DNAH9: variants seen among roughly 807,000 people sequenced by gnomAD.
DNAH9 encodes the protein dynein axonemal heavy chain 9.
A neutral mutation model predicts 471.6 loss-of-function variants in DNAH9; 345 were observed. The ratio of observed to expected loss-of-function variants is 0.73; its 90% CI spans 0.67 to 0.80. The LOEUF (loss-of-function observed/expected upper bound fraction) is 0.80, where lower values mean the gene tolerates loss of function less well. Ranked by LOEUF, DNAH9 falls within the 30% of genes least tolerant of loss-of-function variation. The probability of loss-of-function intolerance (pLI) is 0.00; values close to 1 mark genes in which losing one functional copy is unlikely to be tolerated. For missense variants in DNAH9, 5,407 were observed against 5,609.2 expected, an observed-to-expected ratio of 0.96 and a Z score of 1.15; for synonymous variants, 2,093 against 2,123.6, an observed-to-expected ratio of 0.99 and a Z score of 0.40.
intron 49 of DNAH9, among the ~76,000 whole-genome samples, chr17:11,838,486 A>G (rs1288438529): frequency 6.6e-6 from 1 of 152,202 alleles, no homozygotes; most frequent in Non-Finnish European, 1.5e-5. Flanking sequence ...AAACCCCATG[A>G]AGCAGATAGT....
chr17:11,735,542 TCTC>T (rs2150826826), intron 28 of DNAH9, among the ~76,000 whole-genome samples: 1 of 152,200 alleles, frequency 6.6e-6, no homozygotes, highest in East Asian at 1.9e-4. Context: ...TTCAAGCGAT[TCTC>T]CTGCCTCCGC....
intron 67 of DNAH9, among the ~76,000 whole-genome samples, chr17:11,957,581 AAAGCCAGC>A: frequency 6.6e-6 from 1 of 150,984 alleles, no homozygotes. Flanking sequence ...AAAAAAAAAA[AAAGCCAGC>A]AAGCCAGAAA....
Position 11,752,863 on chromosome 17 carries a change from C to A in DNAH9, c.6641C>A (p.Ala2214Asp), listed in dbSNP as rs201952414. The A allele has an allele frequency of 7.7e-5, 124 of 1,604,194 alleles. 1 individual carries two copies. Among genetic ancestry groups the A allele is most frequent in the South Asian group, 5.7e-4 (51 of 89,512 alleles). The change falls in exon 33 of 69, where the codon GCC (alanine) becomes GAC (aspartate). Residue 2214 changes from alanine (A) to aspartate (D), a missense_variant. Physicochemically the swap from Ala to Asp is moderately radical, Grantham distance 126 (BLOSUM62 -2). This residue lies in a region of DNAH9 where 4,636 missense variants were observed against 4,900.3 expected (regional missense o/e 0.95). Transcript: ENST00000262442. ...TTCTCTTCCATCATGCGGGAGCTTG[C>A]CAACATCACCCATGATGGGCCCAAG... The part of the protein sequence containing the change: ...GLFSSIMREL[A>D]NITHDGPKWI...
intron 15 of DNAH9, 66 bp from the exon 16 acceptor site, chr17:11,668,998 A>G (rs2073930172): frequency 8.7e-7 from 1 of 1,144,052 alleles, no homozygotes; most frequent in African/African-American, 1.5e-5. Flanking sequence ...TGCTTTTAAA[A>G]CAGTCCTCTA....
At chr17:11,961,548 G>C (rs137928798) in intron 67 of DNAH9, among the ~76,000 whole-genome samples, 191 of 152,090 alleles carry the variant, frequency 1.3e-3, no homozygotes, top group Non-Finnish European at 1.8e-3. Flanking sequence ...ATGTGGCACT[G>C]AACCCACAAG....
At chr17:11,691,362 G>T (rs1228859710) in intron 20 of DNAH9, among the ~76,000 whole-genome samples, 1 of 152,202 alleles carries the variant, frequency 6.6e-6, no homozygotes, top group Non-Finnish European at 1.5e-5. Flanking sequence ...AGGGGGCCGG[G>T]ACAGAGGTGG....
At chr17:11,771,658 C>A (rs1225242960) in intron 38 of DNAH9, among the ~76,000 whole-genome samples, 1 of 152,172 alleles carries the variant, frequency 6.6e-6, no homozygotes, top group African/African-American at 2.4e-5. Flanking sequence ...CGCTGTCTGC[C>A]TCATAGAATT....
intron 23 of DNAH9, among the ~76,000 whole-genome samples, chr17:11,700,647 C>A (rs1228507583): frequency 2.6e-5 from 4 of 152,106 alleles, no homozygotes; most frequent in African/African-American, 9.7e-5. Context: ...ATTCTAGTGC[C>A]AGAAAATAAT....
intron 45 of DNAH9, among the ~76,000 whole-genome samples, chr17:11,813,192 C>T (rs1421828591): frequency 5.3e-5 from 8 of 151,060 alleles, no homozygotes; most frequent in Admixed American, 5.3e-4. Flanking sequence ...GTTCCAAAGT[C>T]ATGGAGTTTT....
chr17:11,770,365 C>T (rs1390276927), intron 38 of DNAH9, among the ~76,000 whole-genome samples: 1 of 152,190 alleles, frequency 6.6e-6, no homozygotes, highest in Non-Finnish European at 1.5e-5. Context: ...CTGCTTTCCC[C>T]AGTGCCCCTG....
chr17:11,894,902 A>T (rs371966034), intron 59 of DNAH9, among the ~76,000 whole-genome samples: 7 of 152,188 alleles, frequency 4.6e-5, no homozygotes, highest in African/African-American at 1.7e-4. Context: ...CTGAATCCTA[A>T]CTCAGACTCA....
At chr17:11,827,240 A>G (rs1168765091) in intron 48 of DNAH9, among the ~76,000 whole-genome samples, 1 of 152,340 alleles carries the variant, frequency 6.6e-6, no homozygotes, top group Non-Finnish European at 1.5e-5. Flanking sequence ...ATGTGAGGCC[A>G]TTCTTGCATT....
intron 32 of DNAH9, 133 bp downstream of exon 32, chr17:11,747,899 A>C (rs867649295): frequency 2.1e-5 from 17 of 803,378 alleles, no homozygotes; most frequent in South Asian, 7.1e-5. Context: ...GGAGACAAAA[A>C]AGCCAGTAGA....
At chr17:11,869,084 A>G (rs1299084537) in intron 50 of DNAH9, 50 bp from the exon 51 acceptor site, 2 of 1,599,844 alleles carry the variant, frequency 1.3e-6, no homozygotes, top group Non-Finnish European at 1.7e-6. Flanking sequence ...GAGCACTGGT[A>G]GTTACATGGG....
chr17:11,876,276 TA>T (rs1972478099), intron 53 of DNAH9, among the ~76,000 whole-genome samples: 1 of 152,036 alleles, frequency 6.6e-6, no homozygotes, highest in African/African-American at 2.4e-5. Context: ...TAAAAGAGCA[TA>T]ATTAGATTGT....
chr17:11,796,782 G>A (rs1969258837), intron 42 of DNAH9, among the ~76,000 whole-genome samples: 2 of 152,222 alleles, frequency 1.3e-5, no homozygotes, highest in African/African-American at 4.8e-5. Context: ...TCAAGTCTCA[G>A]GTATTTGGGT....
At chr17:11,816,972 T>C (rs2150934944) in intron 45 of DNAH9, among the ~76,000 whole-genome samples, 1 of 151,896 alleles carries the variant, frequency 6.6e-6, no homozygotes, top group African/African-American at 2.4e-5. Flanking sequence ...GGCAGGAGAA[T>C]GGCGTGAACC....
rs180673075 is a variant in DNAH9 at position 11,749,613 on chromosome 17, A to C, written c.6610+1847A>C. Reference sequence around the variant, plus strand: ...TTTGGTCAAAAAAGATTCTTTTTACATTAACATTTTTTATCCATCTGGAAT... The same window carrying C: ...TTTGGTCAAAAAAGATTCTTTTTACCTTAACATTTTTTATCCATCTGGAAT... On this transcript the variant is annotated intron_variant, in intron 32 of 68. Coordinates refer to ENST00000262442, the MANE Select transcript of DNAH9 (RefSeq NM_001372.4). Among the ~76,000 whole-genome samples the C allele has an allele frequency of 7.5e-4, 114 of 152,096 alleles. 1 individual carries two copies. The highest frequency in any genetic ancestry group is 2.6e-3 in the African/African-American group (107 of 41,500).
intron 9 of DNAH9, among the ~76,000 whole-genome samples, chr17:11,639,228 G>A (rs1399695164): frequency 6.6e-6 from 1 of 152,164 alleles, no homozygotes; most frequent in Non-Finnish European, 1.5e-5. Flanking sequence ...TGCCTATCAT[G>A]GAGGACAAGC....
Sources: allele counts gnomAD v4.1 joint callset (sites outside exome capture counted in the v4.1 genomes callset), GRCh38; gene constraint gnomAD v4.1.1; regional missense constraint gnomAD v4.1.1; transcripts MANE v1.5; gene names NCBI Gene and HGNC (gene_info 2026-07-23, HGNC 2026-07-21).